The following LEKR1 variants were observed in gnomAD, a reference collection of about 807,000 sequenced individuals.
LEKR1 encodes the protein protein LEKR1.
A neutral mutation model predicts 72.4 loss-of-function variants in LEKR1; 59 were observed. That is an observed-to-expected ratio of 0.82 (90% confidence interval 0.66 to 1.01). LEKR1 has a LOEUF of 1.01. Among genes scored for constraint, LEKR1 ranks in the 50% least tolerant of loss-of-function variants. The pLI, the probability that LEKR1 is intolerant of heterozygous loss-of-function variation, is 0.00. For missense variants in LEKR1, 728 were observed against 759.2 expected (o/e 0.96, Z 0.48); for synonymous variants, 257 against 263.2 (o/e 0.98, Z 0.23).
chr3:156,971,426 A>T (rs1729179157), intron 6 of LEKR1, among the ~76,000 whole-genome samples: 1 of 152,364 alleles, frequency 6.6e-6, no homozygotes, highest in Non-Finnish European at 1.5e-5. Context: ...GGACATAGGC[A>T]TGGGCAAGGA....
At chr3:156,947,965 C>T (rs1024579597) in intron 6 of LEKR1, among the ~76,000 whole-genome samples, 2 of 151,140 alleles carry the variant, frequency 1.3e-5, no homozygotes, top group African/African-American at 4.8e-5. Flanking sequence ...TCTCTCTACT[C>T]ATTACATCTT....
At chr3:156,855,147 T>C (rs1715898427) in intron 3 of LEKR1, among the ~76,000 whole-genome samples, 1 of 152,160 alleles carries the variant, frequency 6.6e-6, no homozygotes, top group Non-Finnish European at 1.5e-5. Flanking sequence ...ACATATGTTG[T>C]TCCAAAGGAT....
chr3:156,913,564 A>G (rs1007482128), intron 3 of LEKR1, among the ~76,000 whole-genome samples: 62 of 152,340 alleles, frequency 4.1e-4, no homozygotes, highest in African/African-American at 1.4e-3. Context: ...TGGATGTTGT[A>G]TCTCTGATCT....
At chr3:156,933,923 G>A (rs566572760) in intron 5 of LEKR1, among the ~76,000 whole-genome samples, 5 of 152,286 alleles carry the variant, frequency 3.3e-5, no homozygotes, top group African/African-American at 1.2e-4. Flanking sequence ...AATGTGACCT[G>A]TGGCCATGAC....
chr3:157,009,045 A>G (rs1732689841), intron 9 of LEKR1, among the ~76,000 whole-genome samples: 1 of 152,158 alleles, frequency 6.6e-6, no homozygotes. Context: ...ACATTTAATA[A>G]ATGTTAAAAA....
intron 7 of LEKR1, among the ~76,000 whole-genome samples, chr3:156,983,928 C>T (rs138244564): frequency 6.6e-6 from 1 of 152,264 alleles, no homozygotes; most frequent in East Asian, 1.9e-4. Flanking sequence ...ACACCTCCCC[C>T]CAAGTCCCCC....
At chr3:156,942,243 A>G (rs961482374) in intron 5 of LEKR1, among the ~76,000 whole-genome samples, 3 of 152,034 alleles carry the variant, frequency 2.0e-5, no homozygotes, top group Non-Finnish European at 4.4e-5. Context: ...TTATTCATTT[A>G]TGTAAGTATT....
intron 10 of LEKR1, among the ~76,000 whole-genome samples, chr3:157,016,122 T>C (rs184029263): frequency 6.6e-6 from 1 of 152,044 alleles, no homozygotes; most frequent in Admixed American, 6.5e-5. Flanking sequence ...ATATGTGTAA[T>C]TGAAATTCCT....
intron 7 of LEKR1, among the ~76,000 whole-genome samples, chr3:156,982,851 GTGTGTAGA>G (rs887538753): frequency 3.6e-5 from 5 of 140,790 alleles, no homozygotes; most frequent in African/African-American, 1.4e-4. Context: ...GTGTGTGTGT[GTGTGTAGA>G]TAGATAGATA....
chr3:156,931,457 T>C (rs1283098595), intron 5 of LEKR1, among the ~76,000 whole-genome samples: 2 of 152,156 alleles, frequency 1.3e-5, no homozygotes, highest in East Asian at 3.8e-4. Context: ...AAACTAAATA[T>C]ACATCTATCC....
chr3:156,870,470 C>T (rs1029955425), intron 3 of LEKR1, among the ~76,000 whole-genome samples: 4 of 151,916 alleles, frequency 2.6e-5, no homozygotes, highest in Non-Finnish European at 4.4e-5. Context: ...GAATTGGCTT[C>T]TTGATTTCTT....
intron 7 of LEKR1, among the ~76,000 whole-genome samples, chr3:156,983,222 A>G (rs966594617): frequency 4.6e-5 from 7 of 152,118 alleles, no homozygotes; most frequent in Non-Finnish European, 1.5e-5. Context: ...GAAAGGGTAA[A>G]CTCTACTGAG....
At chr3:156,831,432 T>A (rs1712385998) in intron 2 of LEKR1, among the ~76,000 whole-genome samples, 1 of 152,184 alleles carries the variant, frequency 6.6e-6, no homozygotes, top group South Asian at 2.1e-4. Flanking sequence ...TTAAGGGATA[T>A]TATTTAAACT....
chr3:156,861,380 A>G (rs1054425165), intron 3 of LEKR1, among the ~76,000 whole-genome samples: 3 of 152,166 alleles, frequency 2.0e-5, no homozygotes, highest in Admixed American at 2.0e-4. Flanking sequence ...GGGACAACTT[A>G]ATTTTGAATA....
chr3:157,025,588 G>A (rs976883754), intron 11 of LEKR1, among the ~76,000 whole-genome samples: 1 of 152,176 alleles, frequency 6.6e-6, no homozygotes, highest in Non-Finnish European at 1.5e-5. Flanking sequence ...TGTACAGGAG[G>A]TATGGTACAT....
At chr3:156,898,143 A>G (rs1053752632) in intron 3 of LEKR1, among the ~76,000 whole-genome samples, 4 of 152,194 alleles carry the variant, frequency 2.6e-5, no homozygotes, top group African/African-American at 9.6e-5. Context: ...GGGATTCTTT[A>G]CAGATGCAAA....
At chr3:156,900,168 G>A (rs757873950) in intron 3 of LEKR1, among the ~76,000 whole-genome samples, 1 of 152,118 alleles carries the variant, frequency 6.6e-6, no homozygotes, top group African/African-American at 2.4e-5. Flanking sequence ...TGCTCCAGGA[G>A]ACTGGTTTTG....
intron 3 of LEKR1, among the ~76,000 whole-genome samples, chr3:156,907,634 C>A (rs1158764024): frequency 6.6e-6 from 1 of 151,892 alleles, no homozygotes; most frequent in Non-Finnish European, 1.5e-5. Context: ...TGTACGTGCC[C>A]AAGTCATTCT....
chr3:156,946,091 A>G (rs1317727277), intron 6 of LEKR1, among the ~76,000 whole-genome samples: 2 of 151,650 alleles, frequency 1.3e-5, no homozygotes, highest in Non-Finnish European at 1.5e-5. Flanking sequence ...AACTTGGAAT[A>G]TCTTTCCATT....
Sources: gnomAD v4.1 joint callset for allele counts (sites outside exome capture counted in the v4.1 genomes callset) on GRCh38, gnomAD v4.1.1 for gene constraint, MANE v1.5 for transcripts, NCBI Gene and HGNC (gene_info 2026-07-23, HGNC 2026-07-21) for gene names.